The following PCDHA10 variants were observed in gnomAD, a reference collection of about 807,000 sequenced individuals.
PCDHA10 encodes the protein protocadherin alpha-10.
In PCDHA10, 45 loss-of-function variants were observed where a neutral mutation model predicts 61.2. The observed-to-expected ratio is 0.74, with a 90% CI of 0.58 to 0.94. PCDHA10 has a LOEUF of 0.94. Among genes scored for constraint, PCDHA10 ranks in the 40% least tolerant of loss-of-function variants. The pLI is 0.00. For synonymous variants in PCDHA10, 602 were observed against 548.8 expected (o/e 1.10, Z -1.35); for missense variants, 1,278 against 1,236.2 (o/e 1.03, Z -0.51).
chr5:140,892,311 T>C (rs1042617869), intron 1 of PCDHA10, among the ~76,000 whole-genome samples: 1 of 152,222 alleles, frequency 6.6e-6, no homozygotes, highest in Non-Finnish European at 1.5e-5. Flanking sequence ...TTGGGGCTTA[T>C]AACATTTTCT....
chr5:140,969,106 A>G, intron 1 of PCDHA10: 1 of 1,614,132 alleles, frequency 6.2e-7, no homozygotes, highest in Non-Finnish European at 8.5e-7. Flanking sequence ...ACTTCATTGA[A>G]GTTCGAGGGA....
chr5:140,944,569 G>A (rs2093670092), intron 1 of PCDHA10, among the ~76,000 whole-genome samples: 1 of 152,158 alleles, frequency 6.6e-6, no homozygotes, highest in African/African-American at 2.4e-5. Context: ...GCAACTTACT[G>A]TAGAGATCAC....
intron 1 of PCDHA10, among the ~76,000 whole-genome samples, chr5:140,903,649 T>C (rs1335268583): frequency 6.6e-6 from 1 of 152,236 alleles, no homozygotes; most frequent in Non-Finnish European, 1.5e-5. Context: ...CATATACATA[T>C]ATTATAAATT....
intron 1 of PCDHA10, among the ~76,000 whole-genome samples, chr5:140,939,871 T>G (rs2092481346): frequency 6.6e-6 from 1 of 152,230 alleles, no homozygotes; most frequent in Non-Finnish European, 1.5e-5. Context: ...TAGGTCATCT[T>G]TGCTAGTTGT....
intron 1 of PCDHA10, chr5:140,862,831 G>C (rs782083560): frequency 1.0e-5 from 6 of 572,658 alleles, no homozygotes; most frequent in African/African-American, 7.9e-5. Flanking sequence ...AGCGCGCGAC[G>C]CGGGCATGCC....
intron 1 of PCDHA10, chr5:140,869,751 C>G: frequency 1.2e-6 from 2 of 1,613,134 alleles, no homozygotes. Flanking sequence ...CAGCTACAGA[C>G]GGGGGAAAAC....
At chr5:140,924,646 G>A (rs2081930568) in intron 1 of PCDHA10, among the ~76,000 whole-genome samples, 1 of 152,122 alleles carries the variant, frequency 6.6e-6, no homozygotes, top group Non-Finnish European at 1.5e-5. Context: ...TGTAATCCCA[G>A]CACTTTGGGA....
intron 3 of PCDHA10, among the ~76,000 whole-genome samples, chr5:140,993,514 A>T (rs1239398977): frequency 6.6e-6 from 1 of 150,498 alleles, no homozygotes; most frequent in East Asian, 1.9e-4. Flanking sequence ...ACACACGGGG[A>T]GAGAGAGACA....
chr5:140,974,255 C>T (rs1049283311), intron 1 of PCDHA10, among the ~76,000 whole-genome samples: 1 of 152,186 alleles, frequency 6.6e-6, no homozygotes, highest in African/African-American at 2.4e-5. Flanking sequence ...CCATCAGTTC[C>T]TTTCTGGCCT....
chr5:140,997,124 C>T (rs933067358), intron 3 of PCDHA10, among the ~76,000 whole-genome samples: 2 of 152,074 alleles, frequency 1.3e-5, no homozygotes, highest in Non-Finnish European at 2.9e-5. Context: ...CCCACATACA[C>T]AATGCCCCCA....
intron 1 of PCDHA10, chr5:140,869,000 C>A: frequency 2.0e-6 from 3 of 1,518,418 alleles, no homozygotes; most frequent in Non-Finnish European, 2.6e-6. Flanking sequence ...GTTTAAGGAT[C>A]CTTTGAAACT....
chr5:140,950,668 T>C (rs185130303), intron 1 of PCDHA10, among the ~76,000 whole-genome samples: 5 of 152,238 alleles, frequency 3.3e-5, no homozygotes, highest in African/African-American at 9.6e-5. Flanking sequence ...TTATCAAACA[T>C]GTACATGTAT....
intron 1 of PCDHA10, among the ~76,000 whole-genome samples, chr5:140,947,946 C>T (rs1396530064): frequency 2.0e-5 from 3 of 151,452 alleles, no homozygotes; most frequent in African/African-American, 7.3e-5. Flanking sequence ...AAAAGTGTTC[C>T]ATATTTTACA....
intron 1 of PCDHA10, among the ~76,000 whole-genome samples, chr5:140,891,303 T>C (rs1007949282): frequency 6.6e-6 from 1 of 152,178 alleles, no homozygotes; most frequent in Non-Finnish European, 1.5e-5. Flanking sequence ...GGTATTTGAT[T>C]ACATGAGTAA....
intron 1 of PCDHA10, chr5:140,882,627 A>G: frequency 6.2e-7 from 1 of 1,614,136 alleles, no homozygotes; most frequent in Non-Finnish European, 8.5e-7. Flanking sequence ...TTCCATGTGG[A>G]GGTGAAGGTG....
At chr5:140,949,603 A>G (rs1218724530) in intron 1 of PCDHA10, among the ~76,000 whole-genome samples, 3 of 151,662 alleles carry the variant, frequency 2.0e-5, no homozygotes, top group Non-Finnish European at 4.4e-5. Flanking sequence ...TGGCCATTCT[A>G]GTCTCATGTT....
chr5:140,955,359 C>A (rs1390938554), intron 1 of PCDHA10, among the ~76,000 whole-genome samples: 1 of 151,992 alleles, frequency 6.6e-6, no homozygotes, highest in African/African-American at 2.4e-5. Context: ...TGAGAGGGAC[C>A]CAGTGGGAGG....
intron 1 of PCDHA10, among the ~76,000 whole-genome samples, chr5:140,912,342 TA>T (rs1371454067): frequency 9.7e-5 from 12 of 123,478 alleles, no homozygotes; most frequent in African/African-American, 4.4e-4. Context: ...GTACACTAAG[TA>T]TTTTTTTTTT....
chr5:140,987,462 A>C (rs2097255249), intron 3 of PCDHA10, among the ~76,000 whole-genome samples: 1 of 152,154 alleles, frequency 6.6e-6, no homozygotes, highest in African/African-American at 2.4e-5. Flanking sequence ...AATTGTTAAG[A>C]GCTCAAGCTT....
Sources: gnomAD v4.1 joint callset for allele counts (sites outside exome capture counted in the v4.1 genomes callset) on GRCh38, gnomAD v4.1.1 for gene constraint, MANE v1.5 for transcripts, NCBI Gene and HGNC (gene_info 2026-07-23, HGNC 2026-07-21) for gene names.